Variants in ABCA13 observed in about 807,000 individuals in gnomAD.
The protein encoded by ABCA13 is ATP-binding cassette sub-family A member 13.
A neutral mutation model predicts 478.7 loss-of-function variants in ABCA13; 476 were observed. That is an observed-to-expected ratio of 0.99 (90% CI 0.92 to 1.07). The LOEUF (loss-of-function observed/expected upper bound fraction) is 1.07. ABCA13 is among the 50% of genes least tolerant of loss of function. The probability of loss-of-function intolerance (pLI) is 0.00; values close to 1 mark genes in which losing one functional copy is unlikely to be tolerated. For missense variants in ABCA13, 6,060 were observed against 5,910.6 expected (o/e 1.03, Z -0.83); for synonymous variants, 2,252 against 2,158.9 (o/e 1.04, Z -1.20).
chr7:48,286,464 T>C (rs1797756411), intron 19 of ABCA13, among the ~76,000 whole-genome samples: 1 of 151,468 alleles, frequency 6.6e-6, no homozygotes, highest in Non-Finnish European at 1.5e-5. Context: ...TTTCACTTAG[T>C]AATATGCTGG....
intron 42 of ABCA13, among the ~76,000 whole-genome samples, chr7:48,429,052 C>T (rs1001793380): frequency 6.6e-6 from 1 of 152,150 alleles, no homozygotes; most frequent in Non-Finnish European, 1.5e-5. Context: ...ATGTGTGGCC[C>T]TCTGTGACTA....
intron 45 of ABCA13, among the ~76,000 whole-genome samples, chr7:48,478,287 A>G (rs1828366203): frequency 7.9e-6 from 1 of 126,036 alleles, no homozygotes; most frequent in Non-Finnish European, 1.7e-5. Context: ...TATCATATAT[A>G]TCATTTTATA....
intron 59 of ABCA13, among the ~76,000 whole-genome samples, chr7:48,618,973 G>C (rs775241890): frequency 5.3e-5 from 8 of 152,198 alleles, no homozygotes; most frequent in Non-Finnish European, 8.8e-5. Flanking sequence ...AATAGGCATG[G>C]TTAATACACA....
intron 34 of ABCA13, among the ~76,000 whole-genome samples, chr7:48,375,269 A>G (rs1813285484): frequency 6.6e-6 from 1 of 152,310 alleles, no homozygotes; most frequent in Non-Finnish European, 1.5e-5. Context: ...CAAAAAGGTT[A>G]GTGACCACTG....
At chr7:48,370,994 T>G (rs1585046845) in intron 32 of ABCA13, among the ~76,000 whole-genome samples, 2 of 152,306 alleles carry the variant, frequency 1.3e-5, no homozygotes, top group East Asian at 1.9e-4. Flanking sequence ...ATTTTCTGCA[T>G]ATGGCTAGCC....
chr7:48,211,801 G>C (rs1206302888), intron 3 of ABCA13, among the ~76,000 whole-genome samples: 1 of 151,986 alleles, frequency 6.6e-6, no homozygotes, highest in South Asian at 2.1e-4. Context: ...AAATCTGCCT[G>C]GTACTTTATT....
At chr7:48,388,393 T>C (rs1815512173) in intron 36 of ABCA13, among the ~76,000 whole-genome samples, 1 of 152,216 alleles carries the variant, frequency 6.6e-6, no homozygotes. Flanking sequence ...AGGGAGAATA[T>C]CACTGTCCCT....
intron 26 of ABCA13, among the ~76,000 whole-genome samples, chr7:48,316,688 A>C (rs1344538993): frequency 6.6e-6 from 1 of 152,248 alleles, no homozygotes; most frequent in Non-Finnish European, 1.5e-5. Context: ...GCATGGCACC[A>C]GCATCTGCTT....
chr7:48,221,174 C>T, intron 4 of ABCA13, 107 bp from the exon 5 acceptor site: 1 of 557,974 alleles, frequency 1.8e-6, no homozygotes. Context: ...ATTTTTGGGC[C>T]AGGGCTCTTG....
At chr7:48,234,773 G>A (rs1789697141) in intron 8 of ABCA13, among the ~76,000 whole-genome samples, 2 of 152,148 alleles carry the variant, frequency 1.3e-5, no homozygotes, top group Admixed American at 1.3e-4. Context: ...GCATGGTGCA[G>A]GTCCAAGAAC....
chr7:48,613,090 T>A (rs1419530751), intron 58 of ABCA13, among the ~76,000 whole-genome samples: 1 of 152,154 alleles, frequency 6.6e-6, no homozygotes, highest in African/African-American at 2.4e-5. Context: ...TTACCCTTTT[T>A]TCTCTATTAT....
At chr7:48,490,525 G>A (rs1158218682) in intron 48 of ABCA13, among the ~76,000 whole-genome samples, 2 of 152,100 alleles carry the variant, frequency 1.3e-5, no homozygotes, top group Non-Finnish European at 2.9e-5. Flanking sequence ...TCATTCTGGT[G>A]GGCATGAATA....
chr7:48,393,841 C>T (rs1756078289), intron 38 of ABCA13, among the ~76,000 whole-genome samples: 1 of 152,204 alleles, frequency 6.6e-6, no homozygotes, highest in Non-Finnish European at 1.5e-5. Context: ...CTCCAGGTGC[C>T]ATTGCTTGCT....
At chr7:48,505,168 T>C (rs904047671) in intron 48 of ABCA13, among the ~76,000 whole-genome samples, 1 of 152,144 alleles carries the variant, frequency 6.6e-6, no homozygotes, top group Non-Finnish European at 1.5e-5. Flanking sequence ...CCTACTGTTG[T>C]TGCTTTTATG....
chr7:48,372,257 T>A lies in ABCA13; in HGVS notation c.10893T>A (p.Thr3631=). ...NMAVLTISSA[T]LAIVLKTSGI... ...CTGTGTTGACCATAAGCAGTGCTAC[T>A]CTGGCCATCGTTCTGAAAACAAGTG... Residue 3631 remains threonine (T), a synonymous_variant, in exon 33 of 62, where the codon ACT becomes ACA. Coordinates refer to ENST00000435803, the MANE Select transcript of ABCA13 (RefSeq NM_152701.5). 1 of 1,614,016 alleles carries A rather than the reference T, an allele frequency of 6.2e-7. No homozygotes were observed. Among genetic ancestry groups the A allele is most frequent in the Non-Finnish European group, 8.5e-7 (1 of 1,179,874 alleles).
rs551599291 is a variant in ABCA13 at position 48,346,858 on chromosome 7, G to A, written c.10205-3785G>A. Among the ~76,000 whole-genome samples the A allele has an allele frequency of 1.4e-4, 22 of 152,344 alleles. No individual in the cohort carries two copies. The South Asian group carries it at 1.9e-3, about 13-fold the overall frequency. The stretch of plus-strand genomic sequence containing the variant: ...AAAGCCATGTCTTGTCAGCTTTGAA[G>A]CACCAGTGACCTGCACTCCTGGAGC... On this transcript the variant is annotated intron_variant, in intron 29 of 61. Transcript: ENST00000435803.
At position 48,325,287 on chromosome 7, in the gene ABCA13, G is replaced by T. The variant is rs377451813; in HGVS notation, c.9999+7991G>T. Among the ~76,000 whole-genome samples, 28 of 152,270 alleles carry T rather than the reference G, an allele frequency of 1.8e-4. 1 individual carries two copies. The South Asian group carries it at 5.8e-3, about 32-fold the overall frequency. ...GCTAGGTATATGAGCCAAGGACTGAGAACCAGGAACCTATTGGTGGCTATG... is the reference window on the plus strand; with the variant it reads ...GCTAGGTATATGAGCCAAGGACTGATAACCAGGAACCTATTGGTGGCTATG... On this transcript the variant is annotated intron_variant, in intron 27 of 61. Coordinates refer to ENST00000435803, the MANE Select transcript of ABCA13 (RefSeq NM_152701.5).
chr7:48,253,157 T>C (rs55692458), intron 15 of ABCA13, among the ~76,000 whole-genome samples: 19,172 of 152,152 alleles, frequency 0.13, 1,250 homozygotes, highest in South Asian at 0.18. Context: ...CCATAATTGA[T>C]TACTCCTAGC....
At chr7:48,322,305 C>T (rs1245682201) in intron 27 of ABCA13, among the ~76,000 whole-genome samples, 2 of 152,222 alleles carry the variant, frequency 1.3e-5, no homozygotes, top group Admixed American at 6.5e-5. Context: ...TCCCATGCTG[C>T]TCAAGATGGC....
Sources: gnomAD v4.1 joint callset for allele counts (sites outside exome capture counted in the v4.1 genomes callset) on GRCh38, gnomAD v4.1.1 for gene constraint, MANE v1.5 for transcripts, NCBI Gene and HGNC (gene_info 2026-07-23, HGNC 2026-07-21) for gene names.